CADPS: variants seen among roughly 807,000 people sequenced by gnomAD.
CADPS encodes calcium-dependent secretion activator 1.
Under a neutral mutation model 167.3 loss-of-function variants are expected in CADPS, and 57 were observed. That is an observed-to-expected ratio of 0.34 (90% CI 0.28 to 0.42). CADPS has a LOEUF of 0.42. Ranked by LOEUF, CADPS falls within the 20% of genes least tolerant of loss-of-function variation. The pLI, the probability that CADPS is intolerant of heterozygous loss-of-function variation, is 1.00. For missense variants in CADPS, 1,414 were observed against 1,738.1 expected (o/e 0.81, Z 3.32); for synonymous variants, 676 against 635.3 (o/e 1.06, Z -0.96).
chr3:62,803,456 G>T (rs764640854), intron 1 of CADPS, among the ~76,000 whole-genome samples: 4 of 151,944 alleles, frequency 2.6e-5, no homozygotes, highest in African/African-American at 7.3e-5. Flanking sequence ...TGGAGGTGAG[G>T]GGGAGACTGC....
At chr3:62,711,310 G>A (rs2083353679) in intron 3 of CADPS, among the ~76,000 whole-genome samples, 1 of 152,126 alleles carries the variant, frequency 6.6e-6, no homozygotes, top group African/African-American at 2.4e-5. Context: ...AGTGTTTCAA[G>A]GTATCAGCAG....
At position 62,875,085 on chromosome 3, in the gene CADPS, G is replaced by C. The variant is rs2083430690; in HGVS notation, c.-56C>G. On this transcript the variant is annotated 5_prime_UTR_variant, in exon 1 of 30. Coordinates refer to ENST00000383710, the MANE Select transcript of CADPS (RefSeq NM_003716.4). Reference sequence around the variant, plus strand: ...CCCCCGGCTTGGAGTGCAAAAGGTGGGGGGCGCTGGAGGCAGCCGGGGATC... The same window carrying C: ...CCCCCGGCTTGGAGTGCAAAAGGTGCGGGGCGCTGGAGGCAGCCGGGGATC... 4 of 1,512,260 alleles carry C rather than the reference G, an allele frequency of 2.6e-6. No homozygotes were observed. The highest frequency in any genetic ancestry group is 3.6e-6 in the Non-Finnish European group (4 of 1,124,432). The allele number at this position is 1,512,260 out of a possible 1,614,324, so 93.7% of individuals were successfully genotyped here.
chr3:62,649,759 C>T (rs1378539540), intron 5 of CADPS, among the ~76,000 whole-genome samples: 2 of 151,140 alleles, frequency 1.3e-5, no homozygotes, highest in Admixed American at 6.6e-5. Context: ...ACTATGTTGC[C>T]CAGGCTGGTC....
chr3:62,875,310 C>G lies in CADPS; in HGVS notation c.-281G>C, dbSNP rs1022387264. ...GAGAATCAATTGCGAGCCCCGAGCC[C>G]GCAGCCGGATGCCATCTGCGGCTGC... is the stretch of plus-strand genomic sequence containing the variant. On this transcript the variant is annotated 5_prime_UTR_variant, in exon 1 of 30. Transcript: ENST00000383710. 1 of 219,002 alleles carries G rather than the reference C, an allele frequency of 4.6e-6. No homozygotes were observed. Among genetic ancestry groups the G allele is most frequent in the African/African-American group, 2.3e-5 (1 of 43,724 alleles). The allele number at this position is 219,002 out of a possible 1,614,324, so 13.6% of individuals were successfully genotyped here.
intron 20 of CADPS, 81 bp from the exon 21 acceptor site, chr3:62,491,561 A>ACAC: frequency 1.2e-6 from 1 of 826,760 alleles, no homozygotes; most frequent in Non-Finnish European, 1.9e-6. Context: ...ACACACAAAC[A>ACAC]CACACACACA....
chr3:62,718,832 G>A (rs1342359802), intron 3 of CADPS, among the ~76,000 whole-genome samples: 3 of 152,204 alleles, frequency 2.0e-5, no homozygotes, highest in East Asian at 1.9e-4. Context: ...CCCAGAGTCC[G>A]TGGGAGGCCT....
chr3:62,482,149 C>T (rs1053155239), intron 21 of CADPS, among the ~76,000 whole-genome samples: 6 of 152,134 alleles, frequency 3.9e-5, no homozygotes, highest in Non-Finnish European at 7.3e-5. Flanking sequence ...CTTTGGTTTC[C>T]ATATCCATTG....
intron 7 of CADPS, among the ~76,000 whole-genome samples, chr3:62,589,725 G>A (rs1272865822): frequency 6.6e-6 from 1 of 152,176 alleles, no homozygotes; most frequent in African/African-American, 2.4e-5. Flanking sequence ...TGATCGCTCT[G>A]GAGAGGTCTC....
intron 1 of CADPS, among the ~76,000 whole-genome samples, chr3:62,839,477 G>A (rs530268924): frequency 6.6e-6 from 1 of 152,132 alleles, no homozygotes; most frequent in South Asian, 2.1e-4. Context: ...AAACACCCCT[G>A]TAAGTGTGAA....
At chr3:62,538,566 C>T (rs1193403511) in intron 11 of CADPS, among the ~76,000 whole-genome samples, 1 of 152,120 alleles carries the variant, frequency 6.6e-6, no homozygotes, top group East Asian at 1.9e-4. Context: ...ACAGATAGAT[C>T]AGGCATTTTG....
rs1562718161 is a variant in CADPS, at chr3:62,599,842, A to ATATATTATATATAATATAT, written c.1326-7095_1326-7094insATATATTATATATAATATA. 3.1e-3 allele frequency among the ~76,000 whole-genome samples: 104 copies of ATATATTATATATAATATAT among 33,358 alleles called. 6 individuals carry two copies. The highest frequency in any genetic ancestry group is 0.042 in the Middle Eastern group (1 of 24). 21.9% of individuals were successfully genotyped at this position (33,358 alleles called of 152,430 possible). ...TTATATATTATATATATAATATATTATATATATATAATATATATAATATAT... is the reference window on the plus strand; with the variant it reads ...TTATATATTATATATATAATATATTATATATTATATATAATATATTATATATATAATATATATAATATAT... On this transcript the variant is annotated intron_variant, in intron 6 of 29. Coordinates refer to ENST00000383710, the MANE Select transcript of CADPS (RefSeq NM_003716.4).
At chr3:62,688,896 A>T (rs1281936657) in intron 3 of CADPS, among the ~76,000 whole-genome samples, 1 of 151,984 alleles carries the variant, frequency 6.6e-6, no homozygotes, top group East Asian at 1.9e-4. Flanking sequence ...TCCATGGTAC[A>T]GCAATGGGTA....
intron 21 of CADPS, among the ~76,000 whole-genome samples, chr3:62,483,008 G>A (rs542247167): frequency 2.6e-5 from 4 of 152,004 alleles, no homozygotes; most frequent in Non-Finnish European, 4.4e-5. Flanking sequence ...TTGGAAGGAC[G>A]GTGTCATACA....
rs2149784445 is a variant in CADPS, at chr3:62,438,825, A to T, written c.3670-614T>A. The T allele has an allele frequency of 6.6e-6, 1 of 151,988 alleles. No individual in the cohort carries two copies. The highest frequency in any genetic ancestry group is 1.5e-5 in the Non-Finnish European group (1 of 68,032). The allele number at this position is 151,988 out of a possible 1,614,324, so 9.4% of individuals were successfully genotyped here. A position where few individuals can be genotyped will look rare whatever the true frequency, so the allele number is the denominator to read the frequency against. On this transcript the variant is annotated intron_variant, in intron 27 of 29. Coordinates refer to ENST00000383710, the MANE Select transcript of CADPS (RefSeq NM_003716.4). The surrounding 1 kb of genome is among the most constrained non-coding windows in gnomAD (Gnocchi z 4.7). ...GTTCACTCAGAGGAGACACTAAACC[A>T]TTTGTCTTTGCTTCCAGTGCAGCCT...
At chr3:62,579,311 G>C (rs1031291879) in intron 8 of CADPS, among the ~76,000 whole-genome samples, 6 of 152,084 alleles carry the variant, frequency 3.9e-5, no homozygotes, top group African/African-American at 1.4e-4. Flanking sequence ...GTAAATGGGG[G>C]TTCATTTATT....
rs776677510 is a variant in CADPS at position 62,438,270 on chromosome 3, A to G, written c.3670-59T>C. ...TTCAGACAGCCACTCTTCCTTGTTT[A>G]CCATTCACTTGTACCCTCTACTTGC... is the stretch of plus-strand genomic sequence containing the variant. On this transcript the variant is annotated intron_variant, in intron 27 of 29. Transcript: ENST00000383710. This position sits in a 1 kb window ranked among gnomAD's most constrained non-coding sequence, Gnocchi z 4.7. The G allele has an allele frequency of 7.9e-7, 1 of 1,263,638 alleles. No individual in the cohort carries two copies. The highest frequency in any genetic ancestry group is 1.2e-6 in the Non-Finnish European group (1 of 864,518). 78.3% of individuals were successfully genotyped at this position (1,263,638 alleles called of 1,614,324 possible). A position where few individuals can be genotyped will look rare whatever the true frequency, so the allele number is the denominator to read the frequency against.
Position 62,458,337 on chromosome 3 carries a change from T to C in CADPS, c.3636+7030A>G, listed in dbSNP as rs2058943075. The stretch of plus-strand genomic sequence containing the variant: ...TGCCTACGTTTCTGTTAGTCTGGGC[T>C]TCACAGTCACACCTTTATCTTAATC... On this transcript the variant is annotated intron_variant, in intron 26 of 29. Coordinates refer to ENST00000383710, the MANE Select transcript of CADPS (RefSeq NM_003716.4). This position sits in a 1 kb window ranked among gnomAD's most constrained non-coding sequence, Gnocchi z 4.6. 6.6e-6 allele frequency among the ~76,000 whole-genome samples: 1 copy of C among 152,152 alleles called. No individual in the cohort carries two copies. Among genetic ancestry groups the C allele is most frequent in the African/African-American group, 2.4e-5 (1 of 41,438 alleles).
chr3:62,846,160 C>A (rs577126624), intron 1 of CADPS, among the ~76,000 whole-genome samples: 9 of 152,172 alleles, frequency 5.9e-5, no homozygotes, highest in South Asian at 2.1e-4. Context: ...GCCTCCCCAG[C>A]CTTGCCTCCT....
At chr3:62,403,519 T>C in intron 28 of CADPS, 1 of 169,426 alleles carries the variant, frequency 5.9e-6, no homozygotes, top group Non-Finnish European at 1.3e-5. Flanking sequence ...TTTACACCAT[T>C]TATATTCAAT....
Sources: allele counts gnomAD v4.1 joint callset (sites outside exome capture counted in the v4.1 genomes callset), GRCh38; gene constraint gnomAD v4.1.1; non-coding constraint Gnocchi (gnomAD v3.1); transcripts MANE v1.5; gene names NCBI Gene and HGNC (gene_info 2026-07-23, HGNC 2026-07-21).